The following NRXN3 variants were observed in gnomAD, a reference collection of about 807,000 sequenced individuals.
The protein encoded by NRXN3 is neurexin III.
A neutral mutation model predicts 137.6 loss-of-function variants in NRXN3; 32 were observed. The observed-to-expected ratio is 0.23, with a 90% confidence interval of 0.18 to 0.31. The LOEUF is 0.31. Ranked by LOEUF, NRXN3 falls within the 10% of genes least tolerant of loss-of-function variation. The pLI is 1.00. For synonymous variants in NRXN3, 798 were observed against 784.5 expected, an observed-to-expected ratio of 1.02 and a Z score of -0.29; for missense variants, 1,574 against 2,062.5, an observed-to-expected ratio of 0.76 and a Z score of 4.59.
chr14:79,743,637 G>A (rs1418023435), intron 19 of NRXN3, among the ~76,000 whole-genome samples: 2 of 152,132 alleles, frequency 1.3e-5, no homozygotes, highest in Admixed American at 6.6e-5. Flanking sequence ...CACTTTTTTA[G>A]CTCATCTCAG....
At chr14:78,403,234 A>G (rs2092237830) in intron 4 of NRXN3, among the ~76,000 whole-genome samples, 1 of 152,230 alleles carries the variant, frequency 6.6e-6, no homozygotes, top group Admixed American at 6.5e-5. Context: ...AAGGGGCCCC[A>G]GGTAACTGCT....
chr14:78,302,185 G>A (rs1022444420), intron 4 of NRXN3, among the ~76,000 whole-genome samples: 1 of 151,980 alleles, frequency 6.6e-6, no homozygotes, highest in African/African-American at 2.4e-5. Flanking sequence ...CTGTCTCCTT[G>A]TCTTTCCCTA....
chr14:78,653,874 A>G (rs2097766281), intron 6 of NRXN3, among the ~76,000 whole-genome samples: 1 of 152,186 alleles, frequency 6.6e-6, no homozygotes, highest in South Asian at 2.1e-4. Flanking sequence ...TGATGTCAAT[A>G]TATCCTTATC....
chr14:78,404,939 T>A (rs1429085703), intron 4 of NRXN3, among the ~76,000 whole-genome samples: 1 of 152,206 alleles, frequency 6.6e-6, no homozygotes, highest in African/African-American at 2.4e-5. Flanking sequence ...TACTTTCATC[T>A]CTGTCTTGTG....
chr14:79,042,044 A>C (rs1019145087), intron 15 of NRXN3, among the ~76,000 whole-genome samples: 1 of 152,218 alleles, frequency 6.6e-6, no homozygotes, highest in Non-Finnish European at 1.5e-5. Context: ...ATGCCTAGCA[A>C]GAGGAAACCA....
chr14:79,556,591 T>C (rs1021586990), intron 16 of NRXN3, among the ~76,000 whole-genome samples: 2 of 152,176 alleles, frequency 1.3e-5, no homozygotes, highest in East Asian at 3.9e-4. Context: ...GGTCTCACTC[T>C]GTCACCCAGG....
chr14:78,474,383 G>T (rs1017291225), intron 4 of NRXN3, among the ~76,000 whole-genome samples: 2 of 152,068 alleles, frequency 1.3e-5, no homozygotes, highest in African/African-American at 4.8e-5. Flanking sequence ...TTGGTCCATG[G>T]ACCAATGTTA....
chr14:79,539,830 T>C (rs2097255052), intron 16 of NRXN3, among the ~76,000 whole-genome samples: 1 of 152,250 alleles, frequency 6.6e-6, no homozygotes, highest in African/African-American at 2.4e-5. Flanking sequence ...GGACACAGAC[T>C]CTTCTGCCCT....
chr14:79,385,193 A>C (rs2094572807), intron 15 of NRXN3, among the ~76,000 whole-genome samples: 4 of 126,888 alleles, frequency 3.2e-5, no homozygotes, highest in Admixed American at 8.6e-5. Context: ...TATATCTCCC[A>C]ATGCTATCCT....
intron 4 of NRXN3, among the ~76,000 whole-genome samples, chr14:78,575,380 A>G (rs938069255): frequency 7.9e-5 from 12 of 152,168 alleles, no homozygotes; most frequent in African/African-American, 2.7e-4. Context: ...AAAAATGAGT[A>G]CCTGAATGAT....
chr14:79,206,050 T>C (rs1164446436), intron 15 of NRXN3, among the ~76,000 whole-genome samples: 1 of 152,176 alleles, frequency 6.6e-6, no homozygotes, highest in Non-Finnish European at 1.5e-5. Context: ...CATTCTGCCC[T>C]CATAAAAGTC....
chr14:78,638,052 C>T (rs373940628), intron 4 of NRXN3, among the ~76,000 whole-genome samples: 3 of 152,304 alleles, frequency 2.0e-5, no homozygotes, highest in African/African-American at 4.8e-5. Context: ...CTTCTGTGGA[C>T]GGAGGCAGCT....
intron 8 of NRXN3, among the ~76,000 whole-genome samples, chr14:78,794,886 G>A (rs112268535): frequency 1.2e-4 from 18 of 151,068 alleles, no homozygotes; most frequent in African/African-American, 4.4e-4. Flanking sequence ...ACCAGCCTTG[G>A]CAACATGGCA....
At chr14:79,693,770 G>T (rs1479820058) in intron 18 of NRXN3, among the ~76,000 whole-genome samples, 3 of 151,730 alleles carry the variant, frequency 2.0e-5, no homozygotes, top group African/African-American at 7.3e-5. Context: ...CAAGTTGAGG[G>T]GTTGGGATGG....
intron 15 of NRXN3, among the ~76,000 whole-genome samples, chr14:79,420,417 G>A (rs944976429): frequency 3.9e-5 from 6 of 152,216 alleles, no homozygotes; most frequent in Admixed American, 3.9e-4. Flanking sequence ...ATCTTGAGCA[G>A]TAGGCTATAA....
intron 15 of NRXN3, among the ~76,000 whole-genome samples, chr14:79,212,735 A>C (rs1399236983): frequency 6.6e-6 from 1 of 152,152 alleles, no homozygotes; most frequent in Non-Finnish European, 1.5e-5. Context: ...ATGCTGGATA[A>C]AACAAAGGTA....
At chr14:79,154,799 A>T (rs2060113421) in intron 15 of NRXN3, among the ~76,000 whole-genome samples, 1 of 151,976 alleles carries the variant, frequency 6.6e-6, no homozygotes. Context: ...TAGTCTTATG[A>T]CTATTTTTAT....
chr14:78,321,820 T>C (rs2079405357), intron 4 of NRXN3, among the ~76,000 whole-genome samples: 1 of 152,070 alleles, frequency 6.6e-6, no homozygotes. Flanking sequence ...TGGTTTCCCC[T>C]TCCAGATCCA....
chr14:79,484,363 T>C (rs1412404162), intron 16 of NRXN3, among the ~76,000 whole-genome samples: 1 of 152,200 alleles, frequency 6.6e-6, no homozygotes, highest in Non-Finnish European at 1.5e-5. Flanking sequence ...CTTGTCAATA[T>C]AAGGGCTTTA....
Sources: allele counts gnomAD v4.1 joint callset (sites outside exome capture counted in the v4.1 genomes callset), GRCh38; gene constraint gnomAD v4.1.1; transcripts MANE v1.5; gene names NCBI Gene and HGNC (gene_info 2026-07-23, HGNC 2026-07-21).